Variants in APPL1 observed in about 807,000 individuals in gnomAD.
The protein encoded by APPL1 is adaptor protein, phosphotyrosine interacting with PH domain and leucine zipper 1.
In APPL1, 42 loss-of-function variants were observed where a neutral mutation model predicts 106.8. The observed-to-expected ratio is 0.39, with a 90% confidence interval of 0.31 to 0.51. The LOEUF (loss-of-function observed/expected upper bound fraction) is 0.51. Among genes scored for constraint, APPL1 ranks in the 20% least tolerant of loss-of-function variants. The pLI, the probability that APPL1 is intolerant of heterozygous loss-of-function variation, is 0.75. For missense variants in APPL1, 769 were observed against 858.2 expected, an observed-to-expected ratio of 0.90 and a Z score of 1.30; for synonymous variants, 263 against 281.8, an observed-to-expected ratio of 0.93 and a Z score of 0.67.
chr3:57,249,419 A>G lies in APPL1; in HGVS notation c.923A>G (p.Asn308Ser). Reference sequence around the variant, plus strand: ...CAGTTTTACTTCACGCAGGGTGGAAATTTAATGAGTCAGGCCCGTGGGGAT... The same window carrying G: ...CAGTTTTACTTCACGCAGGGTGGAAGTTTAATGAGTCAGGCCCGTGGGGAT... The part of the protein sequence containing the change: ...DRQFYFTQGG[N>S]LMSQARGDVA... Residue 308 changes from asparagine to serine, a missense_variant, in exon 11 of 22, where the codon AAT (asparagine) becomes AGT (serine). Transcript: ENST00000288266. 5.0e-6 allele frequency: 8 copies of G among 1,614,144 alleles called. No individual in the cohort carries two copies. The highest frequency in any genetic ancestry group is 6.8e-6 in the Non-Finnish European group (8 of 1,180,030).
chr3:57,248,869 C>T (rs74759279), intron 10 of APPL1, among the ~76,000 whole-genome samples: 3 of 137,174 alleles, frequency 2.2e-5, no homozygotes, highest in Non-Finnish European at 4.8e-5. Context: ...GACTCTGTCT[C>T]AAAAAAAAAA....
chr3:57,261,397 G>A (rs2060864432), intron 19 of APPL1, among the ~76,000 whole-genome samples: 1 of 152,118 alleles, frequency 6.6e-6, no homozygotes, highest in African/African-American at 2.4e-5. Context: ...CTTTGCTATT[G>A]TGAATAGTAC....
At chr3:57,232,846 C>CA (rs2060694618) in intron 1 of APPL1, among the ~76,000 whole-genome samples, 2 of 151,934 alleles carry the variant, frequency 1.3e-5, no homozygotes, top group South Asian at 2.1e-4. Context: ...ACTAAAAATA[C>CA]AAAAAATTAG....
In APPL1 at chr3:57,269,572, C is replaced by T. The variant is rs756898142; in HGVS notation, c.2015C>T (p.Ala672Val). The change falls in exon 22 of 22, where the codon GCT (alanine) becomes GTT (valine). Residue 672 changes from alanine (A) to valine (V), a missense_variant. Ala to Val is a moderately conservative substitution (Grantham distance 64, BLOSUM62 0). Transcript: ENST00000288266. ...DLEEQSRLIA[A>V]SSRPNQASSE... is the part of the protein sequence containing the mutation. ...GAAGAACAAAGTCGGTTGATAGCTG[C>T]TTCCAGTAGACCAAACCAAGCCAGT... The T allele has an allele frequency of 1.9e-6, 3 of 1,614,034 alleles. No individual in the cohort carries two copies. The Admixed American group carries it at 5.0e-5, about 27-fold the overall frequency.
chr3:57,271,351 C>T lies in APPL1; in HGVS notation c.*1664C>T, dbSNP rs946508646. ...TGATGCTTTATGTTACCAAAACATA[C>T]AGTAAAAAAGTAGAAATTTATGAAA... On this transcript the variant is annotated 3_prime_UTR_variant, in exon 22 of 22. Transcript: ENST00000288266. The T allele has an allele frequency of 1.3e-5, 2 of 152,442 alleles. No homozygotes were observed. Among genetic ancestry groups the T allele is most frequent in the Non-Finnish European group, 2.9e-5 (2 of 67,990 alleles). 9.4% of individuals were successfully genotyped at this position (152,442 alleles called of 1,614,324 possible).
chr3:57,273,090 A>ATACTT lies in APPL1; in HGVS notation c.*3405_*3409dup, dbSNP rs1322699625. 6.6e-6 allele frequency: 1 copy of ATACTT among 152,636 alleles called. No individual in the cohort carries two copies. The highest frequency in any genetic ancestry group is 2.4e-5 in the African/African-American group (1 of 41,450). 9.5% of individuals were successfully genotyped at this position (152,636 alleles called of 1,614,324 possible). A position where few individuals can be genotyped will look rare whatever the true frequency, so the allele number is the denominator to read the frequency against. ...AAAGATTTGAAACTGGAACTATATTATACTTTTTAACCAATCTCTGTGGCT... is the reference window on the plus strand; with the variant it reads ...AAAGATTTGAAACTGGAACTATATTATACTTTACTTTTTAACCAATCTCTGTGGCT... On this transcript the variant is annotated 3_prime_UTR_variant, in exon 22 of 22. Transcript: ENST00000288266.
chr3:57,255,047 T>C (rs908903544), intron 13 of APPL1, among the ~76,000 whole-genome samples: 5 of 152,246 alleles, frequency 3.3e-5, no homozygotes, highest in Non-Finnish European at 7.3e-5. Context: ...ATTCCCAGTT[T>C]TGCAAATTAT....
At chr3:57,246,836 C>T (rs902124713) in intron 8 of APPL1, among the ~76,000 whole-genome samples, 5 of 151,858 alleles carry the variant, frequency 3.3e-5, no homozygotes, top group African/African-American at 7.3e-5. Context: ...GACCCCATCT[C>T]TACAAAAAAT....
chr3:57,242,598 A>G (rs1207878097), intron 6 of APPL1, among the ~76,000 whole-genome samples: 2 of 152,084 alleles, frequency 1.3e-5, no homozygotes, highest in Non-Finnish European at 2.9e-5. Context: ...TGCGTTTGCT[A>G]TTTTTGTACT....
intron 7 of APPL1, among the ~76,000 whole-genome samples, chr3:57,245,271 A>G (rs1579388025): frequency 6.6e-6 from 1 of 152,200 alleles, no homozygotes; most frequent in African/African-American, 2.4e-5. Context: ...TAGGTATTCA[A>G]TAAATATTTG....
chr3:57,238,617 C>G (rs1245077180), intron 4 of APPL1, among the ~76,000 whole-genome samples: 1 of 152,164 alleles, frequency 6.6e-6, no homozygotes, highest in African/African-American at 2.4e-5. Flanking sequence ...TCTACTGTTG[C>G]AGTAAAACCT....
Position 57,235,554 on chromosome 3 carries a change from T to C in APPL1, c.55-12T>C. 6.5e-7 allele frequency: 1 copy of C among 1,534,694 alleles called. No individual in the cohort carries two copies. Among genetic ancestry groups the C allele is most frequent in the Non-Finnish European group, 8.9e-7 (1 of 1,117,352 alleles). ...ATGATTAACATAAACTTATTGCTATTGTTTTATACAGACAAGGTCTTTACT... is the reference window on the plus strand; with the variant it reads ...ATGATTAACATAAACTTATTGCTATCGTTTTATACAGACAAGGTCTTTACT... On this transcript the variant is annotated splice_polypyrimidine_tract_variant and intron_variant, in intron 1 of 21. Transcript: ENST00000288266.
At chr3:57,258,692 A>G (rs2060849941) in intron 15 of APPL1, 1 of 191,596 alleles carries the variant, frequency 5.2e-6, no homozygotes, top group African/African-American at 2.3e-5. Flanking sequence ...ATTTTTCTCA[A>G]GCAACTAAGA....
intron 5 of APPL1, among the ~76,000 whole-genome samples, chr3:57,241,058 C>G (rs1005428694): frequency 3.3e-5 from 5 of 152,052 alleles, no homozygotes; most frequent in Admixed American, 2.0e-4. Context: ...GAGATGAATC[C>G]AGAAATAGAG....
intron 19 of APPL1, among the ~76,000 whole-genome samples, chr3:57,264,573 TAAA>T (rs767949059): frequency 9.6e-5 from 14 of 145,718 alleles, no homozygotes; most frequent in Middle Eastern, 3.4e-3. Context: ...TAAAAAAAAA[TAAA>T]AAAAATAAAA....
At chr3:57,242,358 A>T (rs1489393246) in intron 6 of APPL1, among the ~76,000 whole-genome samples, 1 of 152,190 alleles carries the variant, frequency 6.6e-6, no homozygotes, top group Non-Finnish European at 1.5e-5. Flanking sequence ...CTATCTTCAT[A>T]ATGCCTAAAG....
chr3:57,248,430 C>A, intron 10 of APPL1, 79 bp downstream of exon 10: 1 of 1,453,098 alleles, frequency 6.9e-7, no homozygotes. Context: ...TAATTGATGT[C>A]TGTCATATTT....
intron 19 of APPL1, among the ~76,000 whole-genome samples, chr3:57,266,426 G>C (rs1215622914): frequency 6.6e-6 from 1 of 152,066 alleles, no homozygotes; most frequent in African/African-American, 2.4e-5. Flanking sequence ...ATCTTGGTAG[G>C]TTGTATTTGT....
chr3:57,262,835 TGTGTGTG>T (rs2060874251), intron 19 of APPL1, among the ~76,000 whole-genome samples: 1 of 135,784 alleles, frequency 7.4e-6, no homozygotes, highest in African/African-American at 2.8e-5. Context: ...TGTGTGTGTG[TGTGTGTG>T]TGTGTATGCA....
Sources: allele counts gnomAD v4.1 joint callset (sites outside exome capture counted in the v4.1 genomes callset), GRCh38; gene constraint gnomAD v4.1.1; transcripts MANE v1.5; gene names NCBI Gene and HGNC (gene_info 2026-07-23, HGNC 2026-07-21).